Variants in CLCN6 observed in about 807,000 individuals in gnomAD.
The protein encoded by CLCN6 is H(+)/Cl(-) exchange transporter 6.
Under a neutral mutation model 109.8 loss-of-function variants are expected in CLCN6, and 70 were observed. The observed-to-expected ratio is 0.64, with a 90% CI of 0.53 to 0.78. The LOEUF is 0.78. CLCN6 is among the 30% of genes least tolerant of loss of function. The pLI is 0.00. For missense variants in CLCN6, 984 were observed against 1,142.3 expected (o/e 0.86, Z 2.00); for synonymous variants, 444 against 447.8 (o/e 0.99, Z 0.11).
chr1:11,838,730 C>G (rs755454276), intron 22 of CLCN6, 70 bp downstream of exon 22: 2 of 1,606,812 alleles, frequency 1.2e-6, no homozygotes, highest in Non-Finnish European at 8.5e-7. Context: ...TTTGTGCACC[C>G]AGGCTTCTCA....
chr1:11,833,150 C>T (rs1360012298), intron 13 of CLCN6, among the ~76,000 whole-genome samples: 1 of 152,078 alleles, frequency 6.6e-6, no homozygotes, highest in African/African-American at 2.4e-5. Context: ...CAGTCACTTG[C>T]TCTCACCTGC....
intron 2 of CLCN6, among the ~76,000 whole-genome samples, chr1:11,812,664 TTGTG>T (rs61487985): frequency 0.024 from 3,106 of 126,942 alleles, 44 homozygotes; most frequent in Middle Eastern, 0.041. Flanking sequence ...CAAAGTATGT[TTGTG>T]TGTGTGTGTG....
At chr1:11,826,106 T>G in intron 8 of CLCN6, 50 bp from the exon 9 acceptor site, 1 of 1,343,906 alleles carries the variant, frequency 7.4e-7, no homozygotes, top group Non-Finnish European at 1.1e-6. Flanking sequence ...ACAGGTAGTA[T>G]TTGGTTATAT....
Position 11,834,047 on chromosome 1 carries a change from C to CGT in CLCN6, c.1526+25_1526+26dup, listed in dbSNP as rs762774629. On this transcript the variant is annotated intron_variant, in intron 15 of 22. Transcript: ENST00000346436. This position sits in a 1 kb window ranked among gnomAD's most constrained non-coding sequence, Gnocchi z 4.5. ...CCTAAAAAGGTACTCTGTGTGTGTG[C>CGT]GTGTGTGTGCGCATGTGCATGTGTG... 2.9e-5 allele frequency: 46 copies of CGT among 1,611,664 alleles called. No homozygotes were observed. The African/African-American group carries it at 5.5e-4, about 19-fold the overall frequency.
At chr1:11,810,985 G>T (rs1644591306) in intron 2 of CLCN6, among the ~76,000 whole-genome samples, 1 of 152,184 alleles carries the variant, frequency 6.6e-6, no homozygotes, top group Non-Finnish European at 1.5e-5. Context: ...GCTGAGGCAG[G>T]TGGATCACTT....
At chr1:11,824,125 C>T (rs1644781673) in intron 7 of CLCN6, among the ~76,000 whole-genome samples, 1 of 152,182 alleles carries the variant, frequency 6.6e-6, no homozygotes, top group Non-Finnish European at 1.5e-5. Context: ...ATATTTAAGG[C>T]TTTGTGGGCC....
chr1:11,818,347 T>C (rs992844528), intron 4 of CLCN6, among the ~76,000 whole-genome samples: 5 of 152,150 alleles, frequency 3.3e-5, no homozygotes, highest in Non-Finnish European at 7.4e-5. Flanking sequence ...TCTCAGGAAA[T>C]ACTCATTGGC....
intron 20 of CLCN6, among the ~76,000 whole-genome samples, chr1:11,838,016 G>C (rs1484781605): frequency 1.3e-5 from 2 of 152,104 alleles, no homozygotes; most frequent in Non-Finnish European, 2.9e-5. Context: ...ATCTTTTGGT[G>C]GGGGGACACA....
At position 11,840,333 on chromosome 1, in the gene CLCN6, A is replaced by C. The variant is rs1570546416; in HGVS notation, c.*110A>C. ...GGGCATGGAAGATTCCCAGTCACCC[A>C]CTCACTCAGAAAGCCGGGAGTCATC... On this transcript the variant is annotated 3_prime_UTR_variant, in exon 23 of 23. Transcript: ENST00000346436. 1.0e-6 allele frequency: 1 copy of C among 962,212 alleles called. No homozygotes were observed. The highest frequency in any genetic ancestry group is 1.7e-6 in the Non-Finnish European group (1 of 603,630). The allele number at this position is 962,212 out of a possible 1,614,324, so 59.6% of individuals were successfully genotyped here. A position where few individuals can be genotyped will look rare whatever the true frequency, so the allele number is the denominator to read the frequency against.
Position 11,837,336 on chromosome 1 carries a change from G to C in CLCN6, c.2139-7G>C. 1 of 1,605,146 alleles carries C rather than the reference G, an allele frequency of 6.2e-7. No individual in the cohort carries two copies. Among genetic ancestry groups the C allele is most frequent in the Non-Finnish European group, 8.5e-7 (1 of 1,172,694 alleles). ...ATCCCAGGCAGCATCTGGTTTTTGT[G>C]TAACAGATACACTCCCTACCCCAAC... On this transcript the variant is annotated splice_region_variant and splice_polypyrimidine_tract_variant and intron_variant, in intron 19 of 22. Coordinates refer to ENST00000346436, the MANE Select transcript of CLCN6 (RefSeq NM_001286.5).
chr1:11,830,737 T>TTA (rs369772847), intron 13 of CLCN6, among the ~76,000 whole-genome samples: 9,932 of 90,688 alleles, frequency 0.11, 401 homozygotes, highest in African/African-American at 0.14. Flanking sequence ...TATGTATATA[T>TTA]TATATATATA....
chr1:11,821,963 AAAAG>A (rs1557783491), intron 5 of CLCN6, among the ~76,000 whole-genome samples: 2 of 152,268 alleles, frequency 1.3e-5, no homozygotes, highest in Non-Finnish European at 2.9e-5. Flanking sequence ...TGTTGAGAAA[AAAAG>A]AGCAAGTTAC....
intron 6 of CLCN6, among the ~76,000 whole-genome samples, 189 bp from the exon 7 acceptor site, chr1:11,823,518 C>G (rs77204442): frequency 0.037 from 5,635 of 152,188 alleles, 155 homozygotes; most frequent in Middle Eastern, 0.078. Context: ...CTCCCATTGC[C>G]CCTCAGACCT....
At position 11,806,351 on chromosome 1, in the gene CLCN6, TAAG is replaced by T. The variant is rs770314628; in HGVS notation, c.87+6_87+8del. On this transcript the variant is annotated splice_donor_5th_base_variant and intron_variant, in intron 1 of 22. Coordinates refer to ENST00000346436, the MANE Select transcript of CLCN6 (RefSeq NM_001286.5). Reference sequence around the variant, plus strand: ...GAGACCCGCACCCCCGAGGAGCTGGTAAGAAGCCGGCGGAGTCGGCCTGGGGAG... The same window carrying T: ...GAGACCCGCACCCCCGAGGAGCTGGTAAGCCGGCGGAGTCGGCCTGGGGAG... 6.6e-7 allele frequency: 1 copy of T among 1,514,724 alleles called. No individual in the cohort carries two copies. The highest frequency in any genetic ancestry group is 1.3e-5 in the South Asian group (1 of 76,098). 93.8% of individuals were successfully genotyped at this position (1,514,724 alleles called of 1,614,324 possible).
Sources: allele counts gnomAD v4.1 joint callset (sites outside exome capture counted in the v4.1 genomes callset), GRCh38; gene constraint gnomAD v4.1.1; non-coding constraint Gnocchi (gnomAD v3.1); transcripts MANE v1.5; gene names NCBI Gene and HGNC (gene_info 2026-07-23, HGNC 2026-07-21).